TECPR2: variants seen among roughly 807,000 people sequenced by gnomAD.
The protein encoded by TECPR2 is tectonin beta-propeller repeat-containing protein 2.
A neutral mutation model predicts 138.1 loss-of-function variants in TECPR2; 65 were observed. That is an observed-to-expected ratio of 0.47 (90% CI 0.39 to 0.58). The LOEUF (loss-of-function observed/expected upper bound fraction) is 0.58. TECPR2 is among the 20% of genes least tolerant of loss of function. TECPR2 has a pLI of 0.00. For missense variants in TECPR2, 1,553 were observed against 1,824.5 expected (o/e 0.85, Z 2.71); for synonymous variants, 746 against 749.8 (o/e 0.99, Z 0.08).
In TECPR2 at chr14:102,443,709, C is replaced by G. The variant is rs139475073; in HGVS notation, c.2815C>G (p.Gln939Glu). The G allele has an allele frequency of 1.2e-6, 2 of 1,612,694 alleles. No individual in the cohort carries two copies. The highest frequency in any genetic ancestry group is 1.7e-6 in the Non-Finnish European group (2 of 1,178,998). Residue 939 changes from glutamine to glutamate, a missense_variant, in exon 12 of 20, where the codon CAG becomes GAG. Coordinates refer to ENST00000359520, the MANE Select transcript of TECPR2 (RefSeq NM_014844.5). The surrounding 1 kb of genome is among the most constrained non-coding windows in gnomAD (Gnocchi z 4.9). ...VKVDCPYPLS[Q>E]ITARNNVVWA... Reference sequence around the variant, plus strand: ...GGTGGACTGTCCCTACCCGCTGTCCCAGATCACAGCCCGGAACAATGTGGT... The same window carrying G: ...GGTGGACTGTCCCTACCCGCTGTCCGAGATCACAGCCCGGAACAATGTGGT...
At position 102,434,791 on chromosome 14, in the gene TECPR2, A is replaced by C; in HGVS notation, c.1974A>C (p.Pro658=). The change falls in exon 9 of 20, where the codon CCA becomes CCC. Residue 658 remains proline (P), a synonymous_variant. Coordinates refer to ENST00000359520, the MANE Select transcript of TECPR2 (RefSeq NM_014844.5). ...LTVPSSLSWA[P]SAEQWLPGTR... ...TGCCTTCCAGCCTCAGCTGGGCCCC[A>C]AGTGCTGAACAGTGGCTGCCTGGGA... The C allele has an allele frequency of 1.9e-6, 3 of 1,613,456 alleles. No homozygotes were observed. The highest frequency in any genetic ancestry group is 2.5e-6 in the Non-Finnish European group (3 of 1,180,024).
intron 17 of TECPR2, among the ~76,000 whole-genome samples, chr14:102,476,160 T>C (rs981215051): frequency 1.4e-5 from 2 of 138,784 alleles, no homozygotes; most frequent in South Asian, 4.4e-4. Context: ...TGAGCAAAGA[T>C]TGCACCACTG....
chr14:102,436,689 T>C (rs1483460401), intron 9 of TECPR2, among the ~76,000 whole-genome samples: 1 of 152,246 alleles, frequency 6.6e-6, no homozygotes, highest in African/African-American at 2.4e-5. Flanking sequence ...TGGCCTTGAC[T>C]GTCAGCCTCT....
At chr14:102,485,944 A>G (rs942958117) in intron 17 of TECPR2, among the ~76,000 whole-genome samples, 2 of 152,212 alleles carry the variant, frequency 1.3e-5, no homozygotes, top group African/African-American at 4.8e-5. Flanking sequence ...TTGGGCTGGT[A>G]TCAGTGACAA....
intron 5 of TECPR2, among the ~76,000 whole-genome samples, chr14:102,423,449 AAG>A (rs1220199722): frequency 3.3e-5 from 5 of 152,124 alleles, no homozygotes; most frequent in South Asian, 2.1e-4. Flanking sequence ...AAAAAAAAAA[AAG>A]AGGTTTTTTT....
intron 1 of TECPR2, among the ~76,000 whole-genome samples, chr14:102,368,324 G>A (rs1021472684): frequency 6.6e-6 from 1 of 152,006 alleles, no homozygotes; most frequent in East Asian, 1.9e-4. Context: ...GGGCATTTGT[G>A]TGTCTTCTTT....
chr14:102,457,608 C>T (rs1261744648), intron 16 of TECPR2, among the ~76,000 whole-genome samples: 1 of 152,036 alleles, frequency 6.6e-6, no homozygotes, highest in African/African-American at 2.4e-5. Flanking sequence ...TACAAGTCAG[C>T]AGTGGGCCGG....
intron 17 of TECPR2, among the ~76,000 whole-genome samples, chr14:102,496,238 C>T (rs548917842): frequency 3.2e-4 from 48 of 152,292 alleles, no homozygotes; most frequent in South Asian, 2.9e-3. Context: ...CCTCGGGGCT[C>T]GGGTCACCCA....
chr14:102,462,048 A>G (rs1299019783), intron 16 of TECPR2, among the ~76,000 whole-genome samples: 2 of 152,242 alleles, frequency 1.3e-5, no homozygotes, highest in African/African-American at 4.8e-5. Context: ...TACATCATCT[A>G]GTAGTCTTTT....
chr14:102,434,216 T>G lies in TECPR2; in HGVS notation c.1418-19T>G. On this transcript the variant is annotated intron_variant, in intron 8 of 19. Coordinates refer to ENST00000359520, the MANE Select transcript of TECPR2 (RefSeq NM_014844.5). Reference sequence around the variant, plus strand: ...ATATAGAACCGTGCCTTATTTTGAATGTTCTTATTCTGAATTAGAAGGTGG... The same window carrying G: ...ATATAGAACCGTGCCTTATTTTGAAGGTTCTTATTCTGAATTAGAAGGTGG... The G allele has an allele frequency of 7.4e-7, 1 of 1,346,518 alleles. No individual in the cohort carries two copies. Among genetic ancestry groups the G allele is most frequent in the Non-Finnish European group, 9.6e-7 (1 of 1,041,624 alleles). The allele number at this position is 1,346,518 out of a possible 1,614,324, so 83.4% of individuals were successfully genotyped here. A position where few individuals can be genotyped will look rare whatever the true frequency, so the allele number is the denominator to read the frequency against.
chr14:102,403,306 T>C (rs1888547148), intron 2 of TECPR2, among the ~76,000 whole-genome samples: 1 of 152,132 alleles, frequency 6.6e-6, no homozygotes, highest in African/African-American at 2.4e-5. Flanking sequence ...CACTGGTCCA[T>C]AAAAAGCACT....
chr14:102,444,195 C>CTTT (rs111476747), intron 12 of TECPR2, among the ~76,000 whole-genome samples: 1 of 138,724 alleles, frequency 7.2e-6, no homozygotes, highest in African/African-American at 2.7e-5. Context: ...TGAACTGTAG[C>CTTT]TTTTTTTTTT....
At chr14:102,424,262 C>T (rs1331888772) in intron 5 of TECPR2, among the ~76,000 whole-genome samples, 1 of 152,128 alleles carries the variant, frequency 6.6e-6, no homozygotes, top group East Asian at 1.9e-4. Flanking sequence ...AGAAAAGGTA[C>T]CATAAAAATA....
chr14:102,468,757 C>T (rs1291897278), intron 17 of TECPR2, among the ~76,000 whole-genome samples: 3 of 152,174 alleles, frequency 2.0e-5, no homozygotes, highest in African/African-American at 7.2e-5. Context: ...ACATTAAGTG[C>T]TTCATCCATT....
chr14:102,447,477 CCA>C (rs925037177), intron 13 of TECPR2, among the ~76,000 whole-genome samples: 24 of 152,238 alleles, frequency 1.6e-4, no homozygotes, highest in African/African-American at 5.8e-4. Flanking sequence ...AGTGTTGCTC[CCA>C]CAGTCTCCCA....
intron 16 of TECPR2, among the ~76,000 whole-genome samples, chr14:102,461,602 C>T (rs1595138280): frequency 6.6e-6 from 1 of 152,226 alleles, no homozygotes; most frequent in East Asian, 1.9e-4. Flanking sequence ...GGCTGTGCTT[C>T]GGTAGCAAGC....
rs147297702 is a variant in TECPR2, at chr14:102,466,360, C to T, written c.3789+1071C>T. On this transcript the variant is annotated intron_variant, in intron 17 of 19. Coordinates refer to ENST00000359520, the MANE Select transcript of TECPR2 (RefSeq NM_014844.5). The stretch of plus-strand genomic sequence containing the variant: ...CTATGACAACACTTTGTGAATGATA[C>T]GGCACTGTCAAACATGAGGTTGTAC... Among the ~76,000 whole-genome samples, 653 of 152,202 alleles carry T rather than the reference C, an allele frequency of 4.3e-3. 4 individuals carry two copies. The highest frequency in any genetic ancestry group is 7.2e-3 in the Non-Finnish European group (490 of 68,006).
intron 16 of TECPR2, among the ~76,000 whole-genome samples, 156 bp downstream of exon 16, chr14:102,452,783 A>G (rs111509279): frequency 9.9e-5 from 15 of 151,914 alleles, no homozygotes; most frequent in African/African-American, 3.6e-4. Flanking sequence ...TCAGTTGGCC[A>G]CTCTTTCAGA....
chr14:102,428,224 T>G lies in TECPR2; in HGVS notation c.952-26T>G, dbSNP rs1455642363. ...CGTTGTTTAGTTTTGTGTTTTTTGT[T>G]TTTTTTTTTTTTTTTTTTTTGACAG... is the stretch of plus-strand genomic sequence containing the variant. On this transcript the variant is annotated intron_variant, in intron 6 of 19. Coordinates refer to ENST00000359520, the MANE Select transcript of TECPR2 (RefSeq NM_014844.5). The G allele has an allele frequency of 2.3e-5, 12 of 528,360 alleles. No homozygotes were observed. The East Asian group carries it at 5.0e-4, about 22-fold the overall frequency. The allele number at this position is 528,360 out of a possible 1,614,324, so 32.7% of individuals were successfully genotyped here. A position where few individuals can be genotyped will look rare whatever the true frequency, so the allele number is the denominator to read the frequency against.
Sources: gnomAD v4.1 joint callset for allele counts (sites outside exome capture counted in the v4.1 genomes callset) on GRCh38, gnomAD v4.1.1 for gene constraint, Gnocchi (gnomAD v3.1) non-coding constraint, MANE v1.5 for transcripts, NCBI Gene and HGNC (gene_info 2026-07-23, HGNC 2026-07-21) for gene names.